Variants in PARD3B observed in about 807,000 individuals in gnomAD.
PARD3B encodes partitioning defective 3 homolog B.
In PARD3B, 103 loss-of-function variants were observed where a neutral mutation model predicts 130.2. That is an observed-to-expected ratio of 0.79 (90% CI 0.67 to 0.93). PARD3B has a LOEUF of 0.93. Among genes scored for constraint, PARD3B ranks in the 40% least tolerant of loss-of-function variants. The pLI is 0.00. For missense variants in PARD3B, 1,609 were observed against 1,499.2 expected (o/e 1.07, Z -1.21); for synonymous variants, 583 against 553.2 (o/e 1.05, Z -0.76).
At chr2:205,608,295 G>A (rs1267829276) in intron 22 of PARD3B, among the ~76,000 whole-genome samples, 1 of 152,114 alleles carries the variant, frequency 6.6e-6, no homozygotes, top group Non-Finnish European at 1.5e-5. Context: ...ACCATTGTCT[G>A]CTACATGATT....
At chr2:205,077,878 A>T (rs535105914) in intron 4 of PARD3B, among the ~76,000 whole-genome samples, 1 of 152,306 alleles carries the variant, frequency 6.6e-6, no homozygotes, top group Non-Finnish European at 1.5e-5. Flanking sequence ...AACAAAAGAG[A>T]GTTGGCCATA....
At chr2:204,613,002 G>C (rs1377559633) in intron 1 of PARD3B, among the ~76,000 whole-genome samples, 1 of 151,980 alleles carries the variant, frequency 6.6e-6, no homozygotes, top group Admixed American at 6.6e-5. Context: ...TTAGTATGAT[G>C]ATAAAATATT....
chr2:205,071,894 A>G (rs996732447), intron 4 of PARD3B, among the ~76,000 whole-genome samples: 12 of 152,204 alleles, frequency 7.9e-5, no homozygotes, highest in African/African-American at 2.9e-4. Context: ...AAAACAAAAA[A>G]TGCAAAACAC....
chr2:205,607,869 C>T (rs1288178497), intron 22 of PARD3B, among the ~76,000 whole-genome samples: 1 of 151,218 alleles, frequency 6.6e-6, no homozygotes, highest in Non-Finnish European at 1.5e-5. Flanking sequence ...CACACACACA[C>T]ACACACACAC....
intron 3 of PARD3B, among the ~76,000 whole-genome samples, chr2:205,031,002 A>G (rs1697378694): frequency 6.6e-6 from 1 of 152,194 alleles, no homozygotes; most frequent in Non-Finnish European, 1.5e-5. Flanking sequence ...ACCATTTAAA[A>G]GCTACTTTTG....
intron 18 of PARD3B, among the ~76,000 whole-genome samples, chr2:205,328,046 G>T (rs1177000311): frequency 6.6e-6 from 1 of 152,036 alleles, no homozygotes; most frequent in East Asian, 1.9e-4. Flanking sequence ...TTAGGCTAAA[G>T]AAAAAGCTAT....
chr2:204,671,554 A>T (rs536681595), intron 1 of PARD3B, among the ~76,000 whole-genome samples: 7 of 152,198 alleles, frequency 4.6e-5, no homozygotes, highest in African/African-American at 1.7e-4. Context: ...CCCTCTGAGA[A>T]GTCATTACTT....
Position 205,591,825 on chromosome 2 carries a change from A to T in PARD3B, c.3261-23631A>T, listed in dbSNP as rs1158382612. Among the ~76,000 whole-genome samples the T allele has an allele frequency of 2.0e-5, 3 of 152,228 alleles. No individual in the cohort carries two copies. Among genetic ancestry groups the T allele is most frequent in the Non-Finnish European group, 4.4e-5 (3 of 68,038 alleles). On this transcript the variant is annotated intron_variant, in intron 22 of 22. Transcript: ENST00000406610. The surrounding 1 kb of genome is among the most constrained non-coding windows in gnomAD (Gnocchi z 4.2). ...AGGAAGCTGTCCGGTTTGGATAAAA[A>T]TTCAATGTCCTCACAGGCAGAGGAG...
intron 1 of PARD3B, among the ~76,000 whole-genome samples, chr2:204,549,485 GTAACCTC>G: frequency 6.6e-6 from 1 of 152,256 alleles, no homozygotes; most frequent in Non-Finnish European, 1.5e-5. Context: ...CTGAACTTCA[GTAACCTC>G]TAATTTTCAC....
At chr2:204,977,156 G>T (rs980995296) in intron 3 of PARD3B, among the ~76,000 whole-genome samples, 3 of 152,088 alleles carry the variant, frequency 2.0e-5, no homozygotes, top group East Asian at 3.9e-4. Flanking sequence ...TACCACAAAG[G>T]TTTCAAATAA....
At chr2:205,370,984 CT>C (rs2044794935) in intron 18 of PARD3B, among the ~76,000 whole-genome samples, 1 of 152,074 alleles carries the variant, frequency 6.6e-6, no homozygotes, top group African/African-American at 2.4e-5. Flanking sequence ...CTGTGGGCAC[CT>C]TGCTATTGCT....
At chr2:205,310,528 C>T (rs1574663305) in intron 18 of PARD3B, among the ~76,000 whole-genome samples, 1 of 152,138 alleles carries the variant, frequency 6.6e-6, no homozygotes, top group Middle Eastern at 3.4e-3. Context: ...GACCATCATT[C>T]TATTCTCTCT....
intron 1 of PARD3B, among the ~76,000 whole-genome samples, chr2:204,605,088 GC>G (rs1280482538): frequency 2.0e-5 from 3 of 152,090 alleles, no homozygotes; most frequent in African/African-American, 7.2e-5. Context: ...TTAGGATATG[GC>G]CAGACAGAGT....
intron 18 of PARD3B, among the ~76,000 whole-genome samples, chr2:205,320,959 C>T (rs1352846327): frequency 2.0e-5 from 3 of 152,170 alleles, no homozygotes; most frequent in Middle Eastern, 3.2e-3. Context: ...AATACATACA[C>T]TCAGGGTTTC....
intron 20 of PARD3B, among the ~76,000 whole-genome samples, chr2:205,450,745 G>A (rs578208190): frequency 6.6e-6 from 1 of 152,108 alleles, no homozygotes; most frequent in Non-Finnish European, 1.5e-5. Context: ...CAAAGTGCTG[G>A]GATTACAGGC....
chr2:204,838,684 A>T (rs947335411), intron 2 of PARD3B, among the ~76,000 whole-genome samples: 2 of 152,164 alleles, frequency 1.3e-5, no homozygotes, highest in Non-Finnish European at 2.9e-5. Context: ...ACGGAAATGT[A>T]TATTTCACAT....
In PARD3B at chr2:204,611,008, G is replaced by A. The variant is rs375596474; in HGVS notation, c.120+64889G>A. 2.1e-4 allele frequency among the ~76,000 whole-genome samples: 32 copies of A among 152,186 alleles called. No homozygotes were observed. In the East Asian group the frequency reaches 3.3e-3, roughly 16 times the overall value. ...TCTCTCATACCATCCCTCCAGCAGC[G>A]GTCAGAGAATTGAGTAGCACTTTTT... On this transcript the variant is annotated intron_variant, in intron 1 of 22. Coordinates refer to ENST00000406610, the MANE Select transcript of PARD3B (RefSeq NM_001302769.2).
intron 2 of PARD3B, among the ~76,000 whole-genome samples, chr2:204,773,082 T>A (rs2041457733): frequency 6.6e-6 from 1 of 152,050 alleles, no homozygotes; most frequent in African/African-American, 2.4e-5. Flanking sequence ...GATTTATGAA[T>A]AATATATTTA....
At chr2:205,519,413 TTCAGCTCTG>T (rs2050937920) in intron 21 of PARD3B, among the ~76,000 whole-genome samples, 1 of 152,250 alleles carries the variant, frequency 6.6e-6, no homozygotes, top group African/African-American at 2.4e-5. Flanking sequence ...TATTGTGTTA[TTCAGCTCTG>T]TCAGACCCAT....
Sources: gnomAD v4.1 joint callset for allele counts (sites outside exome capture counted in the v4.1 genomes callset) on GRCh38, gnomAD v4.1.1 for gene constraint, Gnocchi (gnomAD v3.1) non-coding constraint, MANE v1.5 for transcripts, NCBI Gene and HGNC (gene_info 2026-07-23, HGNC 2026-07-21) for gene names.